Variants in GAS7 observed in about 807,000 individuals in gnomAD.
The protein encoded by GAS7 is growth arrest specific 7.
In GAS7, 28 loss-of-function variants were observed where a neutral mutation model predicts 71.1. That is an observed-to-expected ratio of 0.39 (90% CI 0.29 to 0.54). The LOEUF (loss-of-function observed/expected upper bound fraction) is 0.54, where lower values mean the gene tolerates loss of function less well. Ranked by LOEUF, GAS7 falls within the 20% of genes least tolerant of loss-of-function variation. The pLI is 0.62. For synonymous variants in GAS7, 258 were observed against 245.8 expected, an observed-to-expected ratio of 1.05 and a Z score of -0.46; for missense variants, 436 against 627.8, an observed-to-expected ratio of 0.69 and a Z score of 3.27.
Position 10,005,042 on chromosome 17 carries a change from C to CAT in GAS7, c.304+14733_304+14734dup, listed in dbSNP as rs370673273. Among the ~76,000 whole-genome samples, 19 of 144,896 alleles carry CAT rather than the reference C, an allele frequency of 1.3e-4. No individual in the cohort carries two copies. The East Asian group carries it at 1.5e-3, about 11-fold the overall frequency. ...CGCTCTCTCTCTCTATATATACATA[C>CAT]ATATATATACACATATATGTGTGTA... is the stretch of plus-strand genomic sequence containing the variant. On this transcript the variant is annotated intron_variant, in intron 2 of 13. Transcript: ENST00000432992.
In GAS7 at chr17:10,126,352, TCA is replaced by T. The variant is rs536401424; in HGVS notation, c.183+71854_183+71855del. Among the ~76,000 whole-genome samples the T allele has an allele frequency of 1.3e-3, 177 of 137,334 alleles. 6 individuals are homozygous for T. In the South Asian group the frequency reaches 0.023, roughly 18 times the overall value. The allele number at this position is 137,334 out of a possible 152,430, so 90.1% of individuals were successfully genotyped here. On this transcript the variant is annotated intron_variant, in intron 1 of 13. Transcript: ENST00000432992. ...CACGCTCACACACACACTCATACAC[TCA>T]CACACACTCTTGCACACACACCCAC...
At chr17:10,149,931 GT>G (rs1176431998) in intron 1 of GAS7, among the ~76,000 whole-genome samples, 5 of 152,296 alleles carry the variant, frequency 3.3e-5, no homozygotes, top group African/African-American at 9.6e-5. Context: ...ATTAGTAGTT[GT>G]TGGTTGTTAG....
Position 10,059,670 on chromosome 17 carries a change from C to G in GAS7, c.184-39773G>C, listed in dbSNP as rs551735914. On this transcript the variant is annotated intron_variant, in intron 1 of 13. Coordinates refer to ENST00000432992, the MANE Select transcript of GAS7 (RefSeq NM_201433.2). ...GAGCATCTGCATCAAAGATAACCAG[C>G]AGAGCCCTGGTTCCAACTCACCTCA... The G allele has an allele frequency of 1.3e-5, 13 of 983,526 alleles. No individual in the cohort carries two copies. The African/African-American group carries it at 1.9e-4, about 15-fold the overall frequency. The allele number at this position is 983,526 out of a possible 1,614,324, so 60.9% of individuals were successfully genotyped here.
At chr17:9,923,006 T>C (rs2067872538) in intron 11 of GAS7, among the ~76,000 whole-genome samples, 1 of 152,214 alleles carries the variant, frequency 6.6e-6, no homozygotes, top group South Asian at 2.1e-4. Context: ...CCTTCTGGGT[T>C]CAAGCGATTC....
intron 1 of GAS7, among the ~76,000 whole-genome samples, chr17:10,106,709 A>G (rs2073759851): frequency 2.0e-5 from 3 of 152,162 alleles, no homozygotes; most frequent in African/African-American, 7.2e-5. Flanking sequence ...GACTTGGCGA[A>G]TAACGTCCTC....
chr17:9,923,309 C>T (rs1597451466), intron 11 of GAS7, among the ~76,000 whole-genome samples: 2 of 149,980 alleles, frequency 1.3e-5, no homozygotes, highest in Non-Finnish European at 3.0e-5. Context: ...AAATCAGCTC[C>T]GAAATCTAGG....
chr17:10,093,571 A>AAG (rs1393790882), intron 1 of GAS7, among the ~76,000 whole-genome samples: 1 of 151,406 alleles, frequency 6.6e-6, no homozygotes. Context: ...AAAAAAAAAA[A>AAG]AAGCTGAAAA....
At chr17:10,160,397 A>T (rs552974401) in intron 1 of GAS7, among the ~76,000 whole-genome samples, 1 of 152,346 alleles carries the variant, frequency 6.6e-6, no homozygotes, top group East Asian at 1.9e-4. Context: ...AAACAGTTAC[A>T]GGACCATATA....
rs574111173 is a variant in GAS7, at chr17:9,946,636, GC to G, written c.615+257del. On this transcript the variant is annotated intron_variant, in intron 6 of 13. Coordinates refer to ENST00000432992, the MANE Select transcript of GAS7 (RefSeq NM_201433.2). ...CCTTCACTGAGCATCGGAGAAAATG[GC>G]CCCCCGCTTACCTACATTCTGGTTG... Among the ~76,000 whole-genome samples the G allele has an allele frequency of 3.2e-4, 49 of 152,236 alleles. 1 individual carries two copies. The East Asian group carries it at 5.4e-3, about 17-fold the overall frequency.
In GAS7 at chr17:9,953,757, C is replaced by T. The variant is rs139679693; in HGVS notation, c.525+5445G>A. On this transcript the variant is annotated intron_variant, in intron 5 of 13. Coordinates refer to ENST00000432992, the MANE Select transcript of GAS7 (RefSeq NM_201433.2). ...TGCATACATTTGTAATGATATTTCTCGTGATGGTTTATTTAATGTTTCTCC... is the reference window on the plus strand; with the variant it reads ...TGCATACATTTGTAATGATATTTCTTGTGATGGTTTATTTAATGTTTCTCC... 8.3e-3 allele frequency among the ~76,000 whole-genome samples: 1,264 copies of T among 152,342 alleles called. 13 individuals are homozygous for T. Among genetic ancestry groups the T allele is most frequent in the African/African-American group, 0.028 (1,183 of 41,584 alleles).
At chr17:10,139,039 G>A (rs781768683) in intron 1 of GAS7, among the ~76,000 whole-genome samples, 20 of 152,156 alleles carry the variant, frequency 1.3e-4, no homozygotes, top group Non-Finnish European at 2.1e-4. Context: ...ATTAGCGCCA[G>A]CCTAGTTTTA....
intron 3 of GAS7, among the ~76,000 whole-genome samples, chr17:9,971,009 C>T (rs775331164): frequency 1.3e-5 from 2 of 152,156 alleles, no homozygotes; most frequent in Non-Finnish European, 1.5e-5. Context: ...GATAATTCTA[C>T]GTATTCTCCT....
At chr17:9,973,656 AT>A (rs1296440682) in intron 3 of GAS7, among the ~76,000 whole-genome samples, 1 of 152,178 alleles carries the variant, frequency 6.6e-6, no homozygotes, top group Non-Finnish European at 1.5e-5. Context: ...GTTTCAAGAG[AT>A]GCCAAAAAGA....
At chr17:10,045,775 A>C in intron 1 of GAS7, among the ~76,000 whole-genome samples, 1 of 152,196 alleles carries the variant, frequency 6.6e-6, no homozygotes, top group African/African-American at 2.4e-5. Context: ...CCCTGATTCT[A>C]AGAGATCCCA....
At chr17:10,084,590 C>T (rs1240444500) in intron 1 of GAS7, among the ~76,000 whole-genome samples, 1 of 152,106 alleles carries the variant, frequency 6.6e-6, no homozygotes, top group Non-Finnish European at 1.5e-5. Flanking sequence ...CCTCAGCCTC[C>T]CAAGTAGCTG....
chr17:9,934,817 C>T (rs1418362764), intron 8 of GAS7, among the ~76,000 whole-genome samples: 6 of 152,202 alleles, frequency 3.9e-5, no homozygotes, highest in East Asian at 1.9e-4. Flanking sequence ...CTCATGGCAA[C>T]CTCTGCCTCC....
rs1196752983 is a variant in GAS7, at chr17:9,969,931, A to G, written c.386-169T>C. On this transcript the variant is annotated intron_variant, in intron 3 of 13. Coordinates refer to ENST00000432992, the MANE Select transcript of GAS7 (RefSeq NM_201433.2). The surrounding 1 kb of genome is among the most constrained non-coding windows in gnomAD (Gnocchi z 5.5). ...CTTATCTGTATCTGCAGAGCTGGAA[A>G]TGGGTTGAAGGCATCTCTCTAATCC... is the stretch of plus-strand genomic sequence containing the variant. Among the ~76,000 whole-genome samples, 1 of 152,204 alleles carries G rather than the reference A, an allele frequency of 6.6e-6. No individual in the cohort carries two copies. The highest frequency in any genetic ancestry group is 1.5e-5 in the Non-Finnish European group (1 of 68,030).
chr17:10,163,905 G>C (rs1371326064), intron 1 of GAS7, among the ~76,000 whole-genome samples: 1 of 152,188 alleles, frequency 6.6e-6, no homozygotes. Context: ...TTACATTAGA[G>C]AACGCAGATA....
At chr17:9,925,792 G>A (rs932782505) in intron 10 of GAS7, among the ~76,000 whole-genome samples, 193 bp from the exon 11 acceptor site, 9 of 152,062 alleles carry the variant, frequency 5.9e-5, no homozygotes, top group South Asian at 2.1e-4. Context: ...AACTCTTTTC[G>A]TCCTTGCCTC....
Sources: allele counts gnomAD v4.1 joint callset (sites outside exome capture counted in the v4.1 genomes callset), GRCh38; gene constraint gnomAD v4.1.1; non-coding constraint Gnocchi (gnomAD v3.1); transcripts MANE v1.5; gene names NCBI Gene and HGNC (gene_info 2026-07-23, HGNC 2026-07-21).